Variants in DSCAM observed in about 807,000 individuals in gnomAD.
DSCAM encodes cell adhesion molecule DSCAM.
A neutral mutation model predicts 217.7 loss-of-function variants in DSCAM; 47 were observed. That is an observed-to-expected ratio of 0.22 (90% CI 0.17 to 0.28). DSCAM has a LOEUF of 0.28. Ranked by LOEUF, DSCAM falls within the 10% of genes least tolerant of loss-of-function variation. The pLI, the probability that DSCAM is intolerant of heterozygous loss-of-function variation, is 1.00. For missense variants in DSCAM, 2,080 were observed against 2,618.3 expected (o/e 0.79, Z 4.49); for synonymous variants, 1,056 against 1,015.3 (o/e 1.04, Z -0.76).
In DSCAM at chr21:40,144,792, A is replaced by T; in HGVS notation, c.3019-61T>A. On this transcript the variant is annotated intron_variant, in intron 16 of 32. Coordinates refer to ENST00000400454, the MANE Select transcript of DSCAM (RefSeq NM_001389.5). The surrounding 1 kb of genome is among the most constrained non-coding windows in gnomAD (Gnocchi z 4.8). ...TTGAGGTAGGACAAGAGCGAAATCA[A>T]CGCCCACACCCACGTAGGAAAGCAG... 6.2e-7 allele frequency: 1 copy of T among 1,602,878 alleles called. No individual in the cohort carries two copies. Among genetic ancestry groups the T allele is most frequent in the South Asian group, 1.1e-5 (1 of 90,734 alleles).
chr21:40,233,128 C>T (rs544402959), intron 11 of DSCAM, among the ~76,000 whole-genome samples: 8 of 152,050 alleles, frequency 5.3e-5, no homozygotes, highest in Admixed American at 2.6e-4. Context: ...ACCCCCGTGA[C>T]GACAGTTTAC....
rs142698928 is a variant in DSCAM at position 40,783,908 on chromosome 21, C to T, written c.43+62711G>A. On this transcript the variant is annotated intron_variant, in intron 1 of 32. Transcript: ENST00000400454. ...ATTCTTCTCTTTCTTCACATACAGA[C>T]CTTTAAAAAATTGGAAAGGTCAAAT... Among the ~76,000 whole-genome samples the T allele has an allele frequency of 4.3e-3, 660 of 151,868 alleles. 5 individuals carry two copies. The highest frequency in any genetic ancestry group is 0.015 in the African/African-American group (610 of 41,428).
intron 23 of DSCAM, among the ~76,000 whole-genome samples, chr21:40,084,404 C>T (rs1003864490): frequency 3.3e-5 from 5 of 151,918 alleles, no homozygotes; most frequent in Non-Finnish European, 2.9e-5. Context: ...TTAGCAGTTC[C>T]GTTCTTCTCA....
intron 31 of DSCAM, among the ~76,000 whole-genome samples, chr21:40,043,679 G>C (rs2088795681): frequency 2.0e-5 from 3 of 152,198 alleles, no homozygotes; most frequent in Non-Finnish European, 4.4e-5. Flanking sequence ...ACCTCATCAT[G>C]TAACTTCAAG....
intron 11 of DSCAM, among the ~76,000 whole-genome samples, chr21:40,250,703 G>A (rs565520896): frequency 3.3e-5 from 5 of 152,238 alleles, no homozygotes; most frequent in Non-Finnish European, 7.3e-5. Flanking sequence ...CTGCTGTGCT[G>A]CACTGGGTCG....
At chr21:40,538,858 A>G (rs1259300217) in intron 3 of DSCAM, among the ~76,000 whole-genome samples, 1 of 152,214 alleles carries the variant, frequency 6.6e-6, no homozygotes, top group African/African-American at 2.4e-5. Flanking sequence ...TCGGGGTCTC[A>G]GACACAATGA....
intron 11 of DSCAM, among the ~76,000 whole-genome samples, chr21:40,231,210 G>A (rs2091379372): frequency 1.3e-5 from 2 of 151,250 alleles, no homozygotes; most frequent in African/African-American, 4.9e-5. Context: ...AATCTGGTAA[G>A]GTTCCTAGAG....
intron 3 of DSCAM, among the ~76,000 whole-genome samples, chr21:40,393,520 AACTTT>A (rs1446238441): frequency 1.3e-5 from 2 of 152,236 alleles, no homozygotes; most frequent in Non-Finnish European, 2.9e-5. Context: ...CATTTTATAA[AACTTT>A]AACTTACATT....
At chr21:40,156,283 A>AAGAC (rs1056940701) in intron 16 of DSCAM, among the ~76,000 whole-genome samples, 3 of 86,262 alleles carry the variant, frequency 3.5e-5, no homozygotes, top group Non-Finnish European at 7.3e-5. Context: ...CAGTCAAACT[A>AAGAC]AGACAGAGAG....
chr21:40,707,309 T>C (rs2090728324), intron 2 of DSCAM, among the ~76,000 whole-genome samples: 1 of 152,226 alleles, frequency 6.6e-6, no homozygotes, highest in Admixed American at 6.5e-5. Flanking sequence ...CCTATACAAA[T>C]TGCATTGTAA....
chr21:40,809,232 G>A (rs2091815672), intron 1 of DSCAM, among the ~76,000 whole-genome samples: 1 of 152,108 alleles, frequency 6.6e-6, no homozygotes, highest in Admixed American at 6.5e-5. Flanking sequence ...CATGTCCCAG[G>A]ACAGACTGGT....
In DSCAM at chr21:40,363,654, C is replaced by G. The variant is rs568373259; in HGVS notation, c.655+5445G>C. ...CATGTCTAAAACACCAAAAGCAATG[C>G]CAACAAAAGCCAAAATTGACAAATG... On this transcript the variant is annotated intron_variant, in intron 4 of 32. Transcript: ENST00000400454. 2.1e-4 allele frequency among the ~76,000 whole-genome samples: 32 copies of G among 152,050 alleles called. No homozygotes were observed. In the East Asian group the frequency reaches 2.5e-3, roughly 12 times the overall value.
At chr21:40,510,788 T>C (rs2076252083) in intron 3 of DSCAM, among the ~76,000 whole-genome samples, 1 of 152,182 alleles carries the variant, frequency 6.6e-6, no homozygotes, top group South Asian at 2.1e-4. Flanking sequence ...TCAGTGTCTG[T>C]AAGTTACATA....
chr21:40,286,093 C>T lies in DSCAM; in HGVS notation c.2183-9823G>A, dbSNP rs545203187. ...ACTGAATAGTGTGCAGATGCACAGG[C>T]AGGGGTGGGACAGTGGGAGGGCAGC... On this transcript the variant is annotated intron_variant, in intron 10 of 32. Coordinates refer to ENST00000400454, the MANE Select transcript of DSCAM (RefSeq NM_001389.5). 3.9e-5 allele frequency among the ~76,000 whole-genome samples: 6 copies of T among 152,210 alleles called. No homozygotes were observed. The South Asian group carries it at 1.0e-3, about 26-fold the overall frequency.
intron 3 of DSCAM, among the ~76,000 whole-genome samples, chr21:40,420,684 C>T (rs1046557220): frequency 9.2e-5 from 14 of 152,148 alleles, no homozygotes; most frequent in African/African-American, 1.4e-4. Context: ...AGCACTAATC[C>T]AATATGCCTG....
At chr21:40,388,403 C>T (rs1002413374) in intron 3 of DSCAM, among the ~76,000 whole-genome samples, 1 of 152,040 alleles carries the variant, frequency 6.6e-6, no homozygotes, top group African/African-American at 2.4e-5. Flanking sequence ...TCATGAAGTC[C>T]TGTGTTTCTC....
intron 5 of DSCAM, among the ~76,000 whole-genome samples, chr21:40,349,168 G>A: frequency 1.2e-5 from 1 of 84,476 alleles, no homozygotes; most frequent in East Asian, 3.5e-4. Flanking sequence ...AATGCAACAT[G>A]CTGGCTACCA....
chr21:40,183,105 T>TGCC lies in DSCAM; in HGVS notation c.2780-4012_2780-4011insGGC. Among the ~76,000 whole-genome samples, 3 of 44,450 alleles carry TGCC rather than the reference T, an allele frequency of 6.7e-5. 1 individual carries two copies. The highest frequency in any genetic ancestry group is 1.1e-4 in the Non-Finnish European group (3 of 26,156). 29.2% of individuals were successfully genotyped at this position (44,450 alleles called of 152,430 possible). A position where few individuals can be genotyped will look rare whatever the true frequency, so the allele number is the denominator to read the frequency against. On this transcript the variant is annotated intron_variant, in intron 14 of 32. Coordinates refer to ENST00000400454, the MANE Select transcript of DSCAM (RefSeq NM_001389.5). Reference sequence around the variant, plus strand: ...CAGAGAAACCGTGGACGGGGGGGGTTACCAGAGAAACCGTGGACAGGAGAG... The same window carrying TGCC: ...CAGAGAAACCGTGGACGGGGGGGGTTGCCACCAGAGAAACCGTGGACAGGAGAG...
At chr21:40,450,195 C>G (rs984319210) in intron 3 of DSCAM, among the ~76,000 whole-genome samples, 3 of 152,082 alleles carry the variant, frequency 2.0e-5, no homozygotes, top group African/African-American at 7.2e-5. Context: ...CTTTATAAAC[C>G]AAACCAAACA....
Sources: allele counts gnomAD v4.1 joint callset (sites outside exome capture counted in the v4.1 genomes callset), GRCh38; gene constraint gnomAD v4.1.1; non-coding constraint Gnocchi (gnomAD v3.1); transcripts MANE v1.5; gene names NCBI Gene and HGNC (gene_info 2026-07-23, HGNC 2026-07-21).